The following TBC1D32 variants were observed in gnomAD, a reference collection of about 807,000 sequenced individuals.
The protein encoded by TBC1D32 is TBC1 domain family member 32, also known as protein broad-minded.
In TBC1D32, 151 loss-of-function variants were observed where a neutral mutation model predicts 170.3. That is an observed-to-expected ratio of 0.89 (90% CI 0.78 to 1.01). TBC1D32 has a LOEUF of 1.01. Among genes scored for constraint, TBC1D32 ranks in the 50% least tolerant of loss-of-function variants. The pLI, the probability that TBC1D32 is intolerant of heterozygous loss-of-function variation, is 0.00. For synonymous variants in TBC1D32, 498 were observed against 488.0 expected (o/e 1.02, Z -0.27); for missense variants, 1,464 against 1,457.1 (o/e 1.00, Z -0.08).
chr6:121,250,986 C>T (rs1798215008), intron 17 of TBC1D32, among the ~76,000 whole-genome samples: 1 of 151,930 alleles, frequency 6.6e-6, no homozygotes, highest in Non-Finnish European at 1.5e-5. Flanking sequence ...ACAACTGCTG[C>T]GAGGAAAATA....
chr6:121,115,174 GAC>G lies in TBC1D32; in HGVS notation c.3049_3050del (p.Val1017GlnfsTer16). ...SVQQLGIKMTVRYGKFLSLLK... is the reference protein window; with the variant it reads ...SVQQLGIKMTXRYGKFLSLLK... ...GGAGCTATTTCCCTATAATATACCT[GAC>G]AGTCATTTTAATGCCAAGCTGCTGC... On this transcript the variant is annotated frameshift_variant, in exon 27 of 32. Coordinates refer to ENST00000398212, the MANE Select transcript of TBC1D32 (RefSeq NM_152730.6). LOFTEE classifies it high-confidence loss of function. 5 of 1,595,242 alleles carry G rather than the reference GAC, an allele frequency of 3.1e-6. No individual in the cohort carries two copies. The highest frequency in any genetic ancestry group is 4.3e-6 in the Non-Finnish European group (5 of 1,169,160).
rs1779358641 is a variant in TBC1D32 at position 121,113,159 on chromosome 6, A to G, written c.3072T>C (p.Ser1024=). ...CATTTTCTGCACCATCTTTTAAGAG[A>G]CTGAGGAATTTGCCATACCTATATT... is the stretch of plus-strand genomic sequence containing the variant. ...KMTVRYGKFL[S]LLKDGAENDL... The change falls in exon 28 of 32, where the codon AGT becomes AGC. Residue 1024 remains serine (S), a synonymous_variant. Transcript: ENST00000398212. The G allele has an allele frequency of 6.2e-7, 1 of 1,608,418 alleles. No homozygotes were observed. Among genetic ancestry groups the G allele is most frequent in the Non-Finnish European group, 8.5e-7 (1 of 1,178,150 alleles).
At chr6:121,162,929 G>T (rs1333658484) in intron 22 of TBC1D32, 1 of 114,892 alleles carries the variant, frequency 8.7e-6, no homozygotes, top group Non-Finnish European at 1.9e-5. Flanking sequence ...AGGGGTCAGG[G>T]AGTTCCCTTT....
intron 4 of TBC1D32, among the ~76,000 whole-genome samples, chr6:121,309,178 G>C (rs1233815933): frequency 6.6e-6 from 1 of 152,160 alleles, no homozygotes; most frequent in Non-Finnish European, 1.5e-5. Flanking sequence ...GAAATATTGA[G>C]AGATTTAAGA....
intron 21 of TBC1D32, among the ~76,000 whole-genome samples, chr6:121,214,069 C>T (rs1268202675): frequency 1.3e-5 from 2 of 152,200 alleles, no homozygotes; most frequent in African/African-American, 4.8e-5. Context: ...GCTGAGATAA[C>T]TGGCTAGCCA....
chr6:121,240,677 T>G (rs1583351596), intron 19 of TBC1D32, among the ~76,000 whole-genome samples: 1 of 151,428 alleles, frequency 6.6e-6, no homozygotes, highest in Admixed American at 6.6e-5. Context: ...TCACCTGAGG[T>G]CAGAGTTCAA....
chr6:121,082,164 G>A (rs1314769379), intron 31 of TBC1D32, among the ~76,000 whole-genome samples: 1 of 151,970 alleles, frequency 6.6e-6, no homozygotes, highest in Admixed American at 6.6e-5. Flanking sequence ...TGAGTGAGAA[G>A]AGCCCTGCCC....
At chr6:121,171,038 A>G (rs1482130777) in intron 22 of TBC1D32, among the ~76,000 whole-genome samples, 1 of 152,004 alleles carries the variant, frequency 6.6e-6, no homozygotes, top group East Asian at 1.9e-4. Flanking sequence ...ATACAAGCAG[A>G]AATCATGTGT....
intron 1 of TBC1D32, among the ~76,000 whole-genome samples, chr6:121,330,636 C>G (rs993187645): frequency 6.6e-6 from 1 of 152,144 alleles, no homozygotes; most frequent in Non-Finnish European, 1.5e-5. Flanking sequence ...GCACATTAGA[C>G]TTACATAGAA....
At chr6:121,094,036 G>A (rs962467051) in intron 30 of TBC1D32, among the ~76,000 whole-genome samples, 4 of 151,860 alleles carry the variant, frequency 2.6e-5, no homozygotes, top group African/African-American at 9.7e-5. Flanking sequence ...CTCTTTGCTT[G>A]GTAGAAATTA....
At position 121,304,349 on chromosome 6, in the gene TBC1D32, T is replaced by C. The variant is rs376705219; in HGVS notation, c.935+16A>G. On this transcript the variant is annotated intron_variant, in intron 8 of 31. Coordinates refer to ENST00000398212, the MANE Select transcript of TBC1D32 (RefSeq NM_152730.6). ...CCGCTAGGTTTTATGCTGGCATACA[T>C]TGGGAGGGGACTTACTTCTCTGGAT... 8.7e-5 allele frequency: 140 copies of C among 1,612,098 alleles called. No individual in the cohort carries two copies. Among genetic ancestry groups the C allele is most frequent in the Non-Finnish European group, 1.1e-4 (128 of 1,178,952 alleles).
chr6:121,138,952 C>G (rs1302567945), intron 24 of TBC1D32, among the ~76,000 whole-genome samples: 1 of 151,766 alleles, frequency 6.6e-6, no homozygotes, highest in Non-Finnish European at 1.5e-5. Flanking sequence ...TCACGCCATT[C>G]TCCTCCCTCA....
chr6:121,278,390 A>G (rs1802525948), intron 15 of TBC1D32, among the ~76,000 whole-genome samples: 1 of 152,136 alleles, frequency 6.6e-6, no homozygotes, highest in Non-Finnish European at 1.5e-5. Flanking sequence ...AATGATTTAT[A>G]TATCATGAAC....
chr6:121,184,077 A>G (rs1788874894), intron 22 of TBC1D32, among the ~76,000 whole-genome samples: 1 of 152,114 alleles, frequency 6.6e-6, no homozygotes, highest in Non-Finnish European at 1.5e-5. Context: ...GAGTGAATCA[A>G]CACAGTCTCT....
chr6:121,318,417 G>C (rs889643120), intron 2 of TBC1D32, among the ~76,000 whole-genome samples: 1 of 151,966 alleles, frequency 6.6e-6, no homozygotes, highest in African/African-American at 2.4e-5. Flanking sequence ...ACTAAGAATA[G>C]AATTTTAGAG....
intron 17 of TBC1D32, among the ~76,000 whole-genome samples, chr6:121,246,976 C>T (rs2128374405): frequency 6.6e-6 from 1 of 151,918 alleles, no homozygotes; most frequent in African/African-American, 2.4e-5. Flanking sequence ...CAAAGAACAC[C>T]TGGAAAATTC....
chr6:121,110,397 T>C (rs892079419), intron 29 of TBC1D32, among the ~76,000 whole-genome samples: 4 of 151,794 alleles, frequency 2.6e-5, no homozygotes, highest in Non-Finnish European at 5.9e-5. Flanking sequence ...TTTCATTAAG[T>C]GTACAGATAG....
At chr6:121,233,730 G>A (rs1489945435) in intron 20 of TBC1D32, among the ~76,000 whole-genome samples, 1 of 152,080 alleles carries the variant, frequency 6.6e-6, no homozygotes, top group Non-Finnish European at 1.5e-5. Flanking sequence ...GAGACGTGAG[G>A]TACTGTTCTA....
At chr6:121,191,960 G>T (rs1177869015) in intron 22 of TBC1D32, among the ~76,000 whole-genome samples, 2 of 151,690 alleles carry the variant, frequency 1.3e-5, no homozygotes, top group Admixed American at 6.6e-5. Flanking sequence ...TGGACTCCAA[G>T]TTCTTCAGTT....
Sources: gnomAD v4.1 joint callset for allele counts (sites outside exome capture counted in the v4.1 genomes callset) on GRCh38, gnomAD v4.1.1 for gene constraint, MANE v1.5 for transcripts, NCBI Gene and HGNC (gene_info 2026-07-23, HGNC 2026-07-21) for gene names.